SNRNP200: variants seen among roughly 807,000 people sequenced by gnomAD.
SNRNP200 encodes the protein U5 small nuclear ribonucleoprotein 200 kDa helicase.
Under a neutral mutation model 255.2 loss-of-function variants are expected in SNRNP200, and 66 were observed. That is an observed-to-expected ratio of 0.26 (90% confidence interval 0.21 to 0.32). The LOEUF (loss-of-function observed/expected upper bound fraction) is 0.32, where lower values mean the gene tolerates loss of function less well. Among genes scored for constraint, SNRNP200 ranks in the 10% least tolerant of loss-of-function variants. SNRNP200 has a pLI of 1.00. For missense variants in SNRNP200, 1,585 were observed against 2,749.8 expected (o/e 0.58, Z 9.47); for synonymous variants, 939 against 1,027.8 (o/e 0.91, Z 1.65).
At chr2:96,275,388 C>G in intron 43 of SNRNP200, 39 bp from the exon 44 acceptor site, 1 of 1,565,474 alleles carries the variant, frequency 6.4e-7, no homozygotes, top group Non-Finnish European at 8.8e-7. Flanking sequence ...GCATGTAAAA[C>G]TTGATGACCA....
At chr2:96,300,102 C>A (rs1482705532) in intron 5 of SNRNP200, among the ~76,000 whole-genome samples, 1 of 152,156 alleles carries the variant, frequency 6.6e-6, no homozygotes, top group African/African-American at 2.4e-5. Flanking sequence ...CCCCGTGCGA[C>A]CCCTTCTTCC....
In SNRNP200 at chr2:96,286,054, C is replaced by CT. The variant is rs2063841919; in HGVS notation, c.4003+256dup. 6.6e-6 allele frequency among the ~76,000 whole-genome samples: 1 copy of CT among 152,234 alleles called. No homozygotes were observed. The highest frequency in any genetic ancestry group is 1.5e-5 in the Non-Finnish European group (1 of 68,044). On this transcript the variant is annotated intron_variant, in intron 29 of 44. Transcript: ENST00000323853. This position sits in a 1 kb window ranked among gnomAD's most constrained non-coding sequence, Gnocchi z 4.8. ...ATACTTGAGCGCCAGGGGCAGGCCT[C>CT]TAAGCCTCCTGGGCCCGAGAAATGA...
intron 35 of SNRNP200, chr2:96,281,320 C>G (rs1253756603): frequency 5.6e-6 from 1 of 177,248 alleles, no homozygotes; most frequent in Non-Finnish European, 1.2e-5. Context: ...GCGCCTGCCA[C>G]CACACTCAGC....
chr2:96,275,115 T>A lies in SNRNP200; in HGVS notation c.6308A>T (p.Asn2103Ile), dbSNP rs780795928. The A allele has an allele frequency of 6.2e-7, 1 of 1,614,240 alleles. No homozygotes were observed. Among genetic ancestry groups the A allele is most frequent in the Admixed American group, 1.7e-5 (1 of 60,032 alleles). ...DFVAPATGAH[N>I]YTLYFMSDAY... is the part of the protein sequence containing the mutation. ...GTCACTCATGAAGTACAGAGTGTAGTTGTGGGCACCAGTGGCTGGGGCCAC... is the reference window on the plus strand; with the variant it reads ...GTCACTCATGAAGTACAGAGTGTAGATGTGGGCACCAGTGGCTGGGGCCAC... The change falls in exon 45 of 45, where the codon AAC becomes ATC. Residue 2103 changes from asparagine to isoleucine, a missense_variant. Physicochemically the swap from Asn to Ile is moderately radical, Grantham distance 149. This residue lies in a region of SNRNP200 where 279 missense variants were observed against 551.2 expected (regional missense o/e 0.51). Transcript: ENST00000323853.
At chr2:96,303,377 C>T in intron 2 of SNRNP200, 47 bp from the exon 3 acceptor site, 1 of 1,609,924 alleles carries the variant, frequency 6.2e-7, no homozygotes, top group Non-Finnish European at 8.5e-7. Flanking sequence ...CTTTCGTCCC[C>T]AAGGGAAGAC....
In SNRNP200 at chr2:96,299,341, G is replaced by C. The variant is rs764147880; in HGVS notation, c.717C>G (p.Thr239=). ...AAACTGAACTTACATTAGCCGAGAG[G>C]GTGCAGCGCACGACAGCCTCGTCCC... is the stretch of plus-strand genomic sequence containing the variant. ...MEGDEAVVRC[T]LSANLVASGE... The change falls in exon 6 of 45, where the codon ACC becomes ACG. Residue 239 remains threonine (T), a synonymous_variant. Transcript: ENST00000323853. The C allele has an allele frequency of 3.7e-6, 6 of 1,613,914 alleles. No homozygotes were observed. In the South Asian group the frequency reaches 6.6e-5, roughly 18 times the overall value.
At chr2:96,305,027 C>CACAGCT (rs2063978541) in intron 1 of SNRNP200, among the ~76,000 whole-genome samples, 159 bp from the exon 2 acceptor site, 1 of 152,188 alleles carries the variant, frequency 6.6e-6, no homozygotes, top group African/African-American at 2.4e-5. Context: ...TAGTATAACG[C>CACAGCT]TGTGCAGAAG....
Position 96,283,102 on chromosome 2 carries a change from G to A in SNRNP200, c.4915+99C>T. 7.0e-7 allele frequency: 1 copy of A among 1,438,764 alleles called. No individual in the cohort carries two copies. The highest frequency in any genetic ancestry group is 9.7e-7 in the Non-Finnish European group (1 of 1,031,162). 89.1% of individuals were successfully genotyped at this position (1,438,764 alleles called of 1,614,324 possible). A position where few individuals can be genotyped will look rare whatever the true frequency, so the allele number is the denominator to read the frequency against. On this transcript the variant is annotated intron_variant, in intron 34 of 44. Coordinates refer to ENST00000323853, the MANE Select transcript of SNRNP200 (RefSeq NM_014014.5). The surrounding 1 kb of genome is among the most constrained non-coding windows in gnomAD (Gnocchi z 4.7). ...CCTAAACAGTATTTTGAAAATCTCT[G>A]GTATGCTGTAGAGAAAACACTGCCA...
rs766945510 is a variant in SNRNP200 at position 96,301,755 on chromosome 2, G to A, written c.382-39C>T. 10 of 1,609,798 alleles carry A rather than the reference G, an allele frequency of 6.2e-6. No homozygotes were observed. In the Middle Eastern group the frequency reaches 5.0e-4, roughly 80 times the overall value. ...ACAACCAACCAATATTGAGAACGAC[G>A]ACAGGCAAAACATCTTCAACCAGGT... On this transcript the variant is annotated intron_variant, in intron 3 of 44. Transcript: ENST00000323853.
At chr2:96,297,616 A>G in intron 10 of SNRNP200, 21 bp downstream of exon 10, 1 of 1,614,242 alleles carries the variant, frequency 6.2e-7, no homozygotes, top group Non-Finnish European at 8.5e-7. Context: ...GGCCTGGGAA[A>G]TAAATCGCCC....
At chr2:96,289,662 CTA>C in intron 21 of SNRNP200, 135 bp downstream of exon 21, 1 of 825,752 alleles carries the variant, frequency 1.2e-6, no homozygotes. Flanking sequence ...ATGGGAAAAG[CTA>C]CCCATTTTTC....
In SNRNP200 at chr2:96,290,480, G is replaced by A; in HGVS notation, c.2588C>T (p.Thr863Ile). 1.2e-6 allele frequency: 2 copies of A among 1,614,162 alleles called. No individual in the cohort carries two copies. Among genetic ancestry groups the A allele is most frequent in the Middle Eastern group, 1.6e-4 (1 of 6,062 alleles). ...TGTGATGAGTATGCCTTCACCCTTG[G>A]TGTCATACTGGGGTCTTCCGGCACG... ...LGRAGRPQYD[T>I]KGEGILITSH... The change falls in exon 20 of 45, where the codon ACC (threonine) becomes ATC (isoleucine). Residue 863 changes from threonine to isoleucine, a missense_variant. Coordinates refer to ENST00000323853, the MANE Select transcript of SNRNP200 (RefSeq NM_014014.5). The surrounding 1 kb of genome is among the most constrained non-coding windows in gnomAD (Gnocchi z 4.5).
Position 96,301,582 on chromosome 2 carries a change from T to A in SNRNP200, c.516A>T (p.Leu172=), listed in dbSNP as rs1393911424. ...GQTDDTRYHV[L]VNLGKKITDY... ...CTGTGATCTTTTTGCCCAGGTTCAC[T>A]AGCACATGGTATCTGGTATCATCTG... The change falls in exon 4 of 45, where the codon CTA becomes CTT. Residue 172 remains leucine, a synonymous_variant. Transcript: ENST00000323853. The A allele has an allele frequency of 1.9e-6, 3 of 1,614,242 alleles. No homozygotes were observed. The Admixed American group carries it at 5.0e-5, about 27-fold the overall frequency.
chr2:96,292,842 T>A, intron 16 of SNRNP200, 130 bp downstream of exon 16: 1 of 1,091,454 alleles, frequency 9.2e-7, no homozygotes, highest in Non-Finnish European at 1.4e-6. Context: ...TAATATCCCA[T>A]TTCATAGCTG....
At chr2:96,301,451 G>A in intron 4 of SNRNP200, 73 bp downstream of exon 4, 2 of 1,449,494 alleles carry the variant, frequency 1.4e-6, no homozygotes. Context: ...TTAAATGAAT[G>A]ATGCTAGAAG....
Position 96,284,464 on chromosome 2 carries a change from G to T in SNRNP200, c.4286C>A (p.Pro1429His), listed in dbSNP as rs745351125. The change falls in exon 31 of 45, where the codon CCT becomes CAT. Residue 1429 changes from proline to histidine, a missense_variant. Around this residue, in one of 9 missense-constraint regions of SNRNP200, gnomAD observed 719 missense variants for 1,091.1 expected, o/e 0.66. Transcript: ENST00000323853. The part of the protein sequence containing the change: ...LGKGNIIIST[P>H]EKWDILSRRW... ...CCGGGAAAGTATGTCCCACTTCTCA[G>T]GGGTGCTGATGATAATGTTCCCTTT... The T allele has an allele frequency of 6.2e-7, 1 of 1,614,204 alleles. No homozygotes were observed. The highest frequency in any genetic ancestry group is 8.5e-7 in the Non-Finnish European group (1 of 1,180,034).
chr2:96,298,286 G>A lies in SNRNP200; in HGVS notation c.1117C>T (p.Arg373Ter). 6.2e-7 allele frequency: 1 copy of A among 1,614,112 alleles called. No homozygotes were observed. Among genetic ancestry groups the A allele is most frequent in the Non-Finnish European group, 8.5e-7 (1 of 1,180,028 alleles). Residue 373 changes from arginine (R) to a stop codon, truncating the protein, a stop_gained and splice_region_variant, in exon 9 of 45, where the codon CGA (arginine) becomes TGA (stop). Coordinates refer to ENST00000323853, the MANE Select transcript of SNRNP200 (RefSeq NM_014014.5). LOFTEE classifies it high-confidence loss of function. ...LHETEKEDLI[R>*]EERSRRERVR... ...AGATAAACCAACCCAGTCCTTACTCGGATCAGATCCTCCTTCTCGGTTTCA... is the reference window on the plus strand; with the variant it reads ...AGATAAACCAACCCAGTCCTTACTCAGATCAGATCCTCCTTCTCGGTTTCA...
intron 3 of SNRNP200, 108 bp downstream of exon 3, chr2:96,303,051 C>T (rs2063962907): frequency 3.3e-6 from 4 of 1,220,778 alleles, no homozygotes; most frequent in Non-Finnish European, 4.8e-6. Context: ...GTCAACTCAT[C>T]AGCATACAAA....
Position 96,301,511 on chromosome 2 carries a change from A to G in SNRNP200, c.574+13T>C, listed in dbSNP as rs770509800. On this transcript the variant is annotated intron_variant, in intron 4 of 44. Transcript: ENST00000323853. ...ACCAATGAACATGATCAGAACATAA[A>G]GCGCGCACTTACCCATATTTTGGAT... 7 of 1,613,766 alleles carry G rather than the reference A, an allele frequency of 4.3e-6. No individual in the cohort carries two copies. The highest frequency in any genetic ancestry group is 1.7e-5 in the Admixed American group (1 of 60,008).
Sources: gnomAD v4.1 joint callset for allele counts (sites outside exome capture counted in the v4.1 genomes callset) on GRCh38, gnomAD v4.1.1 for gene constraint, gnomAD v4.1.1 regional missense constraint, Gnocchi (gnomAD v3.1) non-coding constraint, MANE v1.5 for transcripts, NCBI Gene and HGNC (gene_info 2026-07-23, HGNC 2026-07-21) for gene names.